CCR7: variants seen among roughly 807,000 people sequenced by gnomAD.
CCR7 encodes the protein C-C chemokine receptor type 7.
CCR7 carries 11 observed loss-of-function variants against 26.0 expected under a neutral mutation model. The ratio of observed to expected loss-of-function variants is 0.42; its 90% CI spans 0.27 to 0.70. CCR7 has a LOEUF of 0.70. CCR7 is among the 30% of genes least tolerant of loss of function. CCR7 has a pLI of 0.23. For missense variants in CCR7, 360 were observed against 504.0 expected (o/e 0.71, Z 2.74); for synonymous variants, 189 against 202.1 (o/e 0.94, Z 0.55).
At position 40,554,783 on chromosome 17, in the gene CCR7, T is replaced by A; in HGVS notation, c.1096A>T (p.Met366Leu). 6.2e-7 allele frequency: 1 copy of A among 1,613,710 alleles called. No homozygotes were observed. The highest frequency in any genetic ancestry group is 8.5e-7 in the Non-Finnish European group (1 of 1,179,856). The change falls in exon 3 of 3, where the codon ATG becomes TTG. Residue 366 changes from methionine (M) to leucine (L), a missense_variant. By Grantham distance (15) the Met-to-Leu change is conservative. Transcript: ENST00000246657. ...SSCRHIRRSS[M>L]SVEAETTTTF... ...GTGGTGGTCTCGGCCTCCACACTCATGGAGGAGCGCCGGATGTGCCGACAG... is the reference window on the plus strand; with the variant it reads ...GTGGTGGTCTCGGCCTCCACACTCAAGGAGGAGCGCCGGATGTGCCGACAG...
chr17:40,556,289 G>GT (rs1381028554), intron 2 of CCR7, among the ~76,000 whole-genome samples: 1 of 152,148 alleles, frequency 6.6e-6, no homozygotes, highest in Non-Finnish European at 1.5e-5. Context: ...TGATTCTTTG[G>GT]TTTTAAATCA....
At chr17:40,560,866 T>C (rs1351064673) in intron 1 of CCR7, 2 of 152,274 alleles carry the variant, frequency 1.3e-5, no homozygotes, top group African/African-American at 2.4e-5. Flanking sequence ...CCTGCTGCGA[T>C]TGGACCCTGT....
At position 40,554,710 on chromosome 17, in the gene CCR7, A is replaced by C; in HGVS notation, c.*32T>G. 3 of 1,483,254 alleles carry C rather than the reference A, an allele frequency of 2.0e-6. No individual in the cohort carries two copies. The highest frequency in any genetic ancestry group is 1.8e-6 in the Non-Finnish European group (2 of 1,086,630). The allele number at this position is 1,483,254 out of a possible 1,614,324, so 91.9% of individuals were successfully genotyped here. On this transcript the variant is annotated 3_prime_UTR_variant, in exon 3 of 3. Coordinates refer to ENST00000246657, the MANE Select transcript of CCR7 (RefSeq NM_001838.4). Reference sequence around the variant, plus strand: ...CTATCCCCACCCCAGGGACCCTGGGAGAGGTCCCTCTAGTCCAGGCAGAAG... The same window carrying C: ...CTATCCCCACCCCAGGGACCCTGGGCGAGGTCCCTCTAGTCCAGGCAGAAG...
intron 1 of CCR7, among the ~76,000 whole-genome samples, chr17:40,563,886 A>G (rs2036679361): frequency 6.6e-6 from 1 of 152,082 alleles, no homozygotes; most frequent in Admixed American, 6.5e-5. Context: ...CCAGGGTGGG[A>G]GAATTTACAC....
chr17:40,556,554 T>G (rs2036589300), intron 2 of CCR7, among the ~76,000 whole-genome samples: 1 of 152,098 alleles, frequency 6.6e-6, no homozygotes, highest in Non-Finnish European at 1.5e-5. Flanking sequence ...AGAGCCTCAG[T>G]TTTCTCTTCT....
In CCR7 at chr17:40,554,771, C is replaced by T. The variant is rs2036559825; in HGVS notation, c.1108G>A (p.Ala370Thr). Residue 370 changes from alanine to threonine, a missense_variant, in exon 3 of 3, where the codon GCC (alanine) becomes ACC (threonine). Physicochemically the swap from Ala to Thr is moderately conservative, Grantham distance 58 (BLOSUM62 0). Coordinates refer to ENST00000246657, the MANE Select transcript of CCR7 (RefSeq NM_001838.4). ...GGGGAGAAGGTGGTGGTGGTCTCGG[C>T]CTCCACACTCATGGAGGAGCGCCGG... ...HIRRSSMSVE[A>T]ETTTTFSP 6.2e-7 allele frequency: 1 copy of T among 1,612,554 alleles called. No individual in the cohort carries two copies. The highest frequency in any genetic ancestry group is 1.1e-5 in the South Asian group (1 of 90,946).
intron 1 of CCR7, among the ~76,000 whole-genome samples, chr17:40,559,757 A>G (rs1217660176): frequency 2.0e-5 from 3 of 152,338 alleles, no homozygotes; most frequent in South Asian, 4.1e-4. Context: ...AATGATAAAT[A>G]CATGAATGAT....
intron 2 of CCR7, among the ~76,000 whole-genome samples, chr17:40,557,272 A>G (rs951645687): frequency 3.3e-5 from 5 of 152,258 alleles, no homozygotes; most frequent in African/African-American, 9.6e-5. Flanking sequence ...ACAGCGATGG[A>G]CGGGTTTGTG....
chr17:40,560,321 AGGCAGGCCCTTG>A (rs2036640339), intron 1 of CCR7, among the ~76,000 whole-genome samples: 1 of 152,234 alleles, frequency 6.6e-6, no homozygotes, highest in Admixed American at 6.5e-5. Flanking sequence ...CCACAAGTGA[AGGCAGGCCCTTG>A]GCAGCTCCAA....
chr17:40,559,599 C>T (rs773568137), intron 1 of CCR7, among the ~76,000 whole-genome samples: 1 of 152,206 alleles, frequency 6.6e-6, no homozygotes, highest in Non-Finnish European at 1.5e-5. Flanking sequence ...AACACCCCCT[C>T]ACTGAAATGA....
chr17:40,559,450 C>A lies in CCR7; in HGVS notation c.11-508G>T, dbSNP rs538297334. 1.2e-4 allele frequency among the ~76,000 whole-genome samples: 19 copies of A among 152,354 alleles called. No individual in the cohort carries two copies. In the East Asian group the frequency reaches 1.7e-3, roughly 14 times the overall value. On this transcript the variant is annotated intron_variant, in intron 1 of 2. Coordinates refer to ENST00000246657, the MANE Select transcript of CCR7 (RefSeq NM_001838.4). The stretch of plus-strand genomic sequence containing the variant: ...GCATCCAGGTGAGTGCGCAGCCACA[C>A]GTGCATGAAGCCAAGCCTGAGTGTC...
At position 40,554,880 on chromosome 17, in the gene CCR7, G is replaced by A. The variant is rs2036563843; in HGVS notation, c.999C>T (p.Phe333=). 1 of 1,614,092 alleles carries A rather than the reference G, an allele frequency of 6.2e-7. No homozygotes were observed. The highest frequency in any genetic ancestry group is 1.3e-5 in the African/African-American group (1 of 74,936). The stretch of plus-strand genomic sequence containing the variant: ...TGAAGAGCTTGAAGAGATCGTTGCG[G>A]AACTTGACGCCGATGAAGGCGTACA... ...PFLYAFIGVK[F]RNDLFKLFKD... The change falls in exon 3 of 3, where the codon TTC becomes TTT. Residue 333 remains phenylalanine (F), a synonymous_variant. Transcript: ENST00000246657.
chr17:40,557,716 A>G (rs1479691668), intron 2 of CCR7, among the ~76,000 whole-genome samples: 1 of 152,150 alleles, frequency 6.6e-6, no homozygotes, highest in East Asian at 1.9e-4. Flanking sequence ...ACTCTGCATC[A>G]TCCAGTCCTG....
chr17:40,564,564 G>T (rs1211505063), intron 1 of CCR7, among the ~76,000 whole-genome samples: 2 of 152,312 alleles, frequency 1.3e-5, no homozygotes, highest in Admixed American at 1.3e-4. Flanking sequence ...TATAAAGGGG[G>T]CGTCTGGAGC....
chr17:40,561,189 C>T (rs1015999227), intron 1 of CCR7, among the ~76,000 whole-genome samples: 1 of 152,196 alleles, frequency 6.6e-6, no homozygotes, highest in Non-Finnish European at 1.5e-5. Context: ...CCCCTTCTCC[C>T]GGACGCTGTC....
chr17:40,554,606 G>T lies in CCR7; in HGVS notation c.*136C>A, dbSNP rs1448519023. ...GGTGAAGCTATCTTCTGGAGCAGGG[G>T]CTTGCACTCTGAGGGGAGAGCTGCT... On this transcript the variant is annotated 3_prime_UTR_variant, in exon 3 of 3. Coordinates refer to ENST00000246657, the MANE Select transcript of CCR7 (RefSeq NM_001838.4). 1 of 709,672 alleles carries T rather than the reference G, an allele frequency of 1.4e-6. No individual in the cohort carries two copies. Among genetic ancestry groups the T allele is most frequent in the Admixed American group, 2.3e-5 (1 of 42,674 alleles). The allele number at this position is 709,672 out of a possible 1,614,324, so 44.0% of individuals were successfully genotyped here. A position where few individuals can be genotyped will look rare whatever the true frequency, so the allele number is the denominator to read the frequency against.
chr17:40,556,320 C>T (rs1422818515), intron 2 of CCR7, among the ~76,000 whole-genome samples: 2 of 152,156 alleles, frequency 1.3e-5, no homozygotes, highest in Admixed American at 6.5e-5. Flanking sequence ...AATTTTAACT[C>T]CAATACGCAT....
chr17:40,558,994 T>C, intron 1 of CCR7, 52 bp from the exon 2 acceptor site: 1 of 1,504,678 alleles, frequency 6.6e-7, no homozygotes, highest in Non-Finnish European at 9.1e-7. Context: ...AAGTCTTTGT[T>C]ATTAAAGAAA....
At position 40,554,600 on chromosome 17, in the gene CCR7, G is replaced by GCCCCTGCTC. The variant is rs2036556566; in HGVS notation, c.*141_*142insGAGCAGGGG. The GCCCCTGCTC allele has an allele frequency of 1.4e-6, 1 of 696,604 alleles. No homozygotes were observed. The highest frequency in any genetic ancestry group is 1.8e-5 in the African/African-American group (1 of 56,386). The allele number at this position is 696,604 out of a possible 1,614,324, so 43.2% of individuals were successfully genotyped here. A position where few individuals can be genotyped will look rare whatever the true frequency, so the allele number is the denominator to read the frequency against. ...GATTGGGGTGAAGCTATCTTCTGGA[G>GCCCCTGCTC]CAGGGGCTTGCACTCTGAGGGGAGA... On this transcript the variant is annotated 3_prime_UTR_variant, in exon 3 of 3. Coordinates refer to ENST00000246657, the MANE Select transcript of CCR7 (RefSeq NM_001838.4).
Sources: allele counts gnomAD v4.1 joint callset (sites outside exome capture counted in the v4.1 genomes callset), GRCh38; gene constraint gnomAD v4.1.1; transcripts MANE v1.5; gene names NCBI Gene and HGNC (gene_info 2026-07-23, HGNC 2026-07-21).